PAM: variants seen among roughly 807,000 people sequenced by gnomAD.
The protein encoded by PAM is peptidyl-glycine alpha-amidating monooxygenase.
A neutral mutation model predicts 122.1 loss-of-function variants in PAM; 72 were observed. That is an observed-to-expected ratio of 0.59 (90% CI 0.49 to 0.72). The LOEUF (loss-of-function observed/expected upper bound fraction) is 0.72. Among genes scored for constraint, PAM ranks in the 30% least tolerant of loss-of-function variants. PAM has a pLI of 0.00. For missense variants in PAM, 1,106 were observed against 1,183.7 expected (o/e 0.93, Z 0.96); for synonymous variants, 389 against 404.4 (o/e 0.96, Z 0.46).
intron 22 of PAM, among the ~76,000 whole-genome samples, chr5:103,018,657 A>G (rs1297437870): frequency 2.0e-5 from 3 of 152,204 alleles, no homozygotes; most frequent in African/African-American, 7.2e-5. Context: ...TAAAGTGTGG[A>G]TTTTCAGAAC....
intron 7 of PAM, among the ~76,000 whole-genome samples, chr5:102,929,271 G>T (rs1440451017): frequency 6.6e-6 from 1 of 152,076 alleles, no homozygotes; most frequent in Non-Finnish European, 1.5e-5. Flanking sequence ...AATGTATTCT[G>T]CTTTCAGCAG....
At chr5:102,907,843 T>A (rs1800074355) in intron 4 of PAM, among the ~76,000 whole-genome samples, 1 of 152,138 alleles carries the variant, frequency 6.6e-6, no homozygotes, top group Non-Finnish European at 1.5e-5. Context: ...TGTAAATTTG[T>A]TGGAGTTCAT....
chr5:102,789,958 T>C (rs1019209069), intron 1 of PAM, among the ~76,000 whole-genome samples: 1 of 152,092 alleles, frequency 6.6e-6, no homozygotes, highest in Non-Finnish European at 1.5e-5. Flanking sequence ...TTAGACTAAA[T>C]TTGGGAAAAA....
At chr5:103,028,674 CATA>C (rs1785694617) in intron 25 of PAM, among the ~76,000 whole-genome samples, 1 of 152,162 alleles carries the variant, frequency 6.6e-6, no homozygotes, top group Non-Finnish European at 1.5e-5. Context: ...TGCAGAAATA[CATA>C]ATACTTGGGA....
chr5:102,880,043 A>G (rs1790466291), intron 3 of PAM, among the ~76,000 whole-genome samples: 1 of 152,142 alleles, frequency 6.6e-6, no homozygotes, highest in African/African-American at 2.4e-5. Context: ...CACCTTTGGA[A>G]GCCAAGGAAG....
intron 1 of PAM, among the ~76,000 whole-genome samples, chr5:102,854,663 T>A (rs996997135): frequency 1.1e-4 from 17 of 152,246 alleles, no homozygotes; most frequent in African/African-American, 3.4e-4. Flanking sequence ...CTTGTAAAAA[T>A]TATTAAAAAC....
chr5:102,965,552 T>C (rs1342989758), intron 14 of PAM, among the ~76,000 whole-genome samples: 2 of 151,992 alleles, frequency 1.3e-5, no homozygotes, highest in East Asian at 3.9e-4. Context: ...CAGTATGTCC[T>C]TGTTATTATG....
intron 12 of PAM, among the ~76,000 whole-genome samples, chr5:102,957,107 T>G (rs1760997113): frequency 6.6e-6 from 1 of 152,214 alleles, no homozygotes; most frequent in Non-Finnish European, 1.5e-5. Context: ...GATATTTACC[T>G]GTCTTTATAC....
intron 1 of PAM, among the ~76,000 whole-genome samples, chr5:102,825,784 C>T (rs974796557): frequency 6.6e-6 from 1 of 152,110 alleles, no homozygotes; most frequent in Non-Finnish European, 1.5e-5. Flanking sequence ...AAGTTAAAGG[C>T]TACAAGTGAG....
chr5:102,937,707 G>T (rs75411270), intron 7 of PAM, among the ~76,000 whole-genome samples: 2,336 of 152,228 alleles, frequency 0.015, 46 homozygotes, highest in African/African-American at 0.052. Context: ...GCTCAGAAAG[G>T]TTGCATGACT....
intron 15 of PAM, among the ~76,000 whole-genome samples, chr5:102,978,235 G>A (rs6889592): frequency 0.33 from 49,630 of 152,086 alleles, 8,308 homozygotes; most frequent in East Asian, 0.43. Flanking sequence ...TTTTATCACA[G>A]TGGGAACTTG....
chr5:102,935,573 G>A (rs1188562678), intron 7 of PAM, among the ~76,000 whole-genome samples: 2 of 152,108 alleles, frequency 1.3e-5, no homozygotes, highest in East Asian at 3.9e-4. Context: ...GGGTCATGGA[G>A]TGTCTAAATC....
At chr5:102,996,845 T>C (rs1775845274) in intron 16 of PAM, among the ~76,000 whole-genome samples, 1 of 152,222 alleles carries the variant, frequency 6.6e-6, no homozygotes, top group Admixed American at 6.5e-5. Context: ...GTTATTTACA[T>C]TATGGAAGTA....
At chr5:102,872,263 AT>A (rs1422463745) in intron 3 of PAM, among the ~76,000 whole-genome samples, 1 of 152,194 alleles carries the variant, frequency 6.6e-6, no homozygotes, top group Non-Finnish European at 1.5e-5. Context: ...AATCAGAACA[AT>A]TCTGAGTTTA....
intron 16 of PAM, among the ~76,000 whole-genome samples, chr5:102,992,365 C>T (rs1774359427): frequency 6.6e-6 from 1 of 151,788 alleles, no homozygotes; most frequent in Middle Eastern, 3.4e-3. Flanking sequence ...TTCTCTCTTT[C>T]CTTCTCCCTT....
intron 3 of PAM, among the ~76,000 whole-genome samples, chr5:102,869,428 A>G (rs1045423360): frequency 6.6e-6 from 1 of 152,218 alleles, no homozygotes; most frequent in African/African-American, 2.4e-5. Flanking sequence ...TGCAGTGTTC[A>G]GTTATGTTAG....
chr5:102,982,300 A>T (rs1770176074), intron 15 of PAM, among the ~76,000 whole-genome samples: 1 of 152,110 alleles, frequency 6.6e-6, no homozygotes, highest in African/African-American at 2.4e-5. Context: ...CATGTGTATG[A>T]CTTGGGGATC....
At chr5:102,931,807 ACTCTCTCT>A (rs60775669) in intron 7 of PAM, among the ~76,000 whole-genome samples, 1 of 141,350 alleles carries the variant, frequency 7.1e-6, no homozygotes, top group Admixed American at 7.1e-5. Context: ...CAAACAACAC[ACTCTCTCT>A]CTCTCTCTCT....
Position 103,007,730 on chromosome 5 carries a change from G to A in PAM, c.2215+73G>A, listed in dbSNP as rs1407020116. 3.2e-6 allele frequency: 3 copies of A among 924,616 alleles called. No homozygotes were observed. The South Asian group carries it at 4.5e-5, about 14-fold the overall frequency. 57.3% of individuals were successfully genotyped at this position (924,616 alleles called of 1,614,324 possible). Reference sequence around the variant, plus strand: ...TCCTTAAAAATTGTGTTATCTTAATGTGCTCTTTTTATAAATTTTCTTTGC... The same window carrying A: ...TCCTTAAAAATTGTGTTATCTTAATATGCTCTTTTTATAAATTTTCTTTGC... On this transcript the variant is annotated intron_variant, in intron 20 of 25. Coordinates refer to ENST00000438793, the MANE Select transcript of PAM (RefSeq NM_001177306.2).
Sources: allele counts gnomAD v4.1 joint callset (sites outside exome capture counted in the v4.1 genomes callset), GRCh38; gene constraint gnomAD v4.1.1; transcripts MANE v1.5; gene names NCBI Gene and HGNC (gene_info 2026-07-23, HGNC 2026-07-21).